GRB14: variants seen among roughly 807,000 people sequenced by gnomAD.
GRB14 encodes growth factor receptor bound protein 14.
GRB14 carries 38 observed loss-of-function variants against 69.1 expected under a neutral mutation model. The ratio of observed to expected loss-of-function variants is 0.55; its 90% CI spans 0.42 to 0.72. The LOEUF (loss-of-function observed/expected upper bound fraction) is 0.72, where lower values mean the gene tolerates loss of function less well. GRB14 is among the 30% of genes least tolerant of loss of function. GRB14 has a pLI of 0.00. For synonymous variants in GRB14, 247 were observed against 241.3 expected, an observed-to-expected ratio of 1.02 and a Z score of -0.22; for missense variants, 666 against 666.1, an observed-to-expected ratio of 1.00 and a Z score of 0.00.
intron 2 of GRB14, among the ~76,000 whole-genome samples, chr2:164,613,175 A>C (rs183624510): frequency 1.3e-5 from 2 of 152,298 alleles, no homozygotes; most frequent in East Asian, 3.9e-4. Flanking sequence ...GGAGCTGAAC[A>C]CTCTGAACTG....
At chr2:164,509,793 A>G (rs983414120) in intron 6 of GRB14, among the ~76,000 whole-genome samples, 50 of 33,020 alleles carry the variant, frequency 1.5e-3, no homozygotes, top group Non-Finnish European at 3.6e-3. Flanking sequence ...GAAGCAGTGG[A>G]AAAAAAAAAA....
intron 6 of GRB14, among the ~76,000 whole-genome samples, chr2:164,516,016 A>C (rs1687473928): frequency 6.7e-6 from 1 of 148,214 alleles, no homozygotes; most frequent in African/African-American, 2.5e-5. Flanking sequence ...CAACAAAGAC[A>C]AAAAAAAAAT....
At chr2:164,615,444 T>G (rs1420011677) in intron 2 of GRB14, among the ~76,000 whole-genome samples, 1 of 152,174 alleles carries the variant, frequency 6.6e-6, no homozygotes, top group African/African-American at 2.4e-5. Flanking sequence ...GTTCTTCTTG[T>G]GTTATGAGGA....
intron 12 of GRB14, among the ~76,000 whole-genome samples, chr2:164,496,039 A>C (rs1361350740): frequency 6.6e-6 from 1 of 152,184 alleles, no homozygotes; most frequent in Non-Finnish European, 1.5e-5. Context: ...ATTTATTTCC[A>C]AAAAGACTGC....
intron 2 of GRB14, among the ~76,000 whole-genome samples, chr2:164,607,700 C>A (rs1186050946): frequency 6.6e-6 from 1 of 152,178 alleles, no homozygotes; most frequent in East Asian, 1.9e-4. Context: ...TTCATTTTAT[C>A]AATTTCTGGA....
intron 2 of GRB14, among the ~76,000 whole-genome samples, chr2:164,571,286 T>C (rs1689115714): frequency 6.6e-6 from 1 of 152,224 alleles, no homozygotes; most frequent in African/African-American, 2.4e-5. Context: ...GATAAAAAAC[T>C]ATGACCAAAA....
At chr2:164,615,267 T>G (rs1196208450) in intron 2 of GRB14, among the ~76,000 whole-genome samples, 1 of 152,144 alleles carries the variant, frequency 6.6e-6, no homozygotes, top group African/African-American at 2.4e-5. Context: ...TACTAATAAA[T>G]CTTATTTGAT....
chr2:164,584,147 A>ATTTTTTTTTTTTTTTTTTTTTTTTT (rs55883951), intron 2 of GRB14, among the ~76,000 whole-genome samples: 1 of 49,896 alleles, frequency 2.0e-5, no homozygotes, highest in Non-Finnish European at 3.4e-5. Flanking sequence ...CAGCCTGGCT[A>ATTTTTTTTTTTTTTTTTTTTTTTTT]TTTTTTTTTT....
chr2:164,523,672 C>T (rs1023895461), intron 5 of GRB14, among the ~76,000 whole-genome samples: 1 of 151,626 alleles, frequency 6.6e-6, no homozygotes, highest in African/African-American at 2.4e-5. Context: ...TTAAACCAAA[C>T]CAATTAAATT....
chr2:164,565,029 TAAAC>T (rs1006453269), intron 2 of GRB14, among the ~76,000 whole-genome samples: 3 of 151,688 alleles, frequency 2.0e-5, no homozygotes, highest in Non-Finnish European at 2.9e-5. Context: ...AACAAACAAA[TAAAC>T]AAACAAACAA....
At chr2:164,576,546 GA>G (rs1357784572) in intron 2 of GRB14, among the ~76,000 whole-genome samples, 4 of 151,864 alleles carry the variant, frequency 2.6e-5, no homozygotes, top group African/African-American at 9.6e-5. Flanking sequence ...CCTAGCATCT[GA>G]AAATTTTAAG....
chr2:164,574,239 A>G (rs1034181992), intron 2 of GRB14, among the ~76,000 whole-genome samples: 2 of 149,068 alleles, frequency 1.3e-5, no homozygotes, highest in Non-Finnish European at 3.0e-5. Context: ...AGGAAAAATT[A>G]TCTTTTTTTT....
In GRB14 at chr2:164,497,069, G is replaced by A; in HGVS notation, c.1321C>T (p.His441Tyr). The change falls in exon 12 of 14, where the codon CAC becomes TAC. Residue 441 changes from histidine (H) to tyrosine (Y), a missense_variant. His to Tyr is a moderately conservative substitution (Grantham distance 83, BLOSUM62 2). Transcript: ENST00000263915. ...GCCTCATCTCTAGAAATTTTGTGGTGAAACCATGGCTGGGACCGGTGGATA... is the reference window on the plus strand; with the variant it reads ...GCCTCATCTCTAGAAATTTTGTGGTAAAACCATGGCTGGGACCGGTGGATA... The part of the protein sequence containing the change: ...MAIHRSQPWF[H>Y]HKISRDEAQR... The A allele has an allele frequency of 6.2e-7, 1 of 1,613,916 alleles. No homozygotes were observed. The highest frequency in any genetic ancestry group is 8.5e-7 in the Non-Finnish European group (1 of 1,179,864).
chr2:164,510,673 C>A (rs1457073316), intron 6 of GRB14, among the ~76,000 whole-genome samples: 2 of 152,112 alleles, frequency 1.3e-5, no homozygotes, highest in East Asian at 3.9e-4. Flanking sequence ...AAAAAAAGCA[C>A]CTTTCTAAGA....
chr2:164,506,212 C>T (rs1228153342), intron 8 of GRB14, among the ~76,000 whole-genome samples: 3 of 152,176 alleles, frequency 2.0e-5, no homozygotes, highest in East Asian at 3.9e-4. Context: ...AAGGATGGGG[C>T]GGGGACCACA....
chr2:164,571,077 A>G (rs1689112519), intron 2 of GRB14, among the ~76,000 whole-genome samples: 6 of 152,228 alleles, frequency 3.9e-5, no homozygotes, highest in Admixed American at 3.9e-4. Context: ...CATACTTAAG[A>G]CAGGTGGAAT....
chr2:164,522,644 T>C (rs1198516467), intron 5 of GRB14, among the ~76,000 whole-genome samples: 1 of 152,120 alleles, frequency 6.6e-6, no homozygotes, highest in Non-Finnish European at 1.5e-5. Flanking sequence ...TGAGCCAAGT[T>C]CACCTCCTTG....
At chr2:164,602,775 A>C (rs1331194226) in intron 2 of GRB14, among the ~76,000 whole-genome samples, 1 of 152,206 alleles carries the variant, frequency 6.6e-6, no homozygotes, top group Non-Finnish European at 1.5e-5. Flanking sequence ...ATTGTGGAAC[A>C]CTAATAATGT....
At chr2:164,619,863 G>A (rs1169732525) in intron 1 of GRB14, 44 bp from the exon 2 acceptor site, 1 of 1,522,722 alleles carries the variant, frequency 6.6e-7, no homozygotes, top group Non-Finnish European at 9.0e-7. Flanking sequence ...AAAACAGAAT[G>A]TAAAATATAA....
Sources: allele counts gnomAD v4.1 joint callset (sites outside exome capture counted in the v4.1 genomes callset), GRCh38; gene constraint gnomAD v4.1.1; transcripts MANE v1.5; gene names NCBI Gene and HGNC (gene_info 2026-07-23, HGNC 2026-07-21).